BMPR1B: variants seen among roughly 807,000 people sequenced by gnomAD.
BMPR1B encodes the protein bone morphogenetic protein receptor type 1B, also known as bone morphogenetic protein receptor type-1B.
Under a neutral mutation model 59.1 loss-of-function variants are expected in BMPR1B, and 12 were observed. The ratio of observed to expected loss-of-function variants is 0.20; its 90% CI spans 0.13 to 0.33. The LOEUF (loss-of-function observed/expected upper bound fraction) is 0.33, where lower values mean the gene tolerates loss of function less well. Ranked by LOEUF, BMPR1B falls within the 10% of genes least tolerant of loss-of-function variation. BMPR1B has a pLI of 1.00. For missense variants in BMPR1B, 550 were observed against 610.9 expected (o/e 0.90, Z 1.05); for synonymous variants, 237 against 207.3 (o/e 1.14, Z -1.23).
intron 3 of BMPR1B, among the ~76,000 whole-genome samples, chr4:95,093,836 T>C (rs1263287218): frequency 2.0e-5 from 3 of 152,078 alleles, no homozygotes; most frequent in South Asian, 2.1e-4. Context: ...CCAGCAGTTA[T>C]ATTTAAAATT....
chr4:94,758,924 GTC>G (rs35388032), intron 1 of BMPR1B, among the ~76,000 whole-genome samples: 103,756 of 150,730 alleles, frequency 0.69, 35,819 homozygotes, highest in African/African-American at 0.73. Flanking sequence ...CAATCTTTTG[GTC>G]TCTCTCTCTC....
At position 94,951,239 on chromosome 4, in the gene BMPR1B, C is replaced by G. The variant is rs547607682; in HGVS notation, c.-112-44801C>G. Among the ~76,000 whole-genome samples, 6 of 152,340 alleles carry G rather than the reference C, an allele frequency of 3.9e-5. No individual in the cohort carries two copies. The South Asian group carries it at 1.2e-3, about 32-fold the overall frequency. On this transcript the variant is annotated intron_variant, in intron 2 of 12. Coordinates refer to ENST00000515059, the MANE Select transcript of BMPR1B (RefSeq NM_001203.3). ...GCAAACAGAGATAAATTGCCTTCCT[C>G]TCTTCCTATTTGAATACCCTTTATT...
chr4:94,870,700 G>C (rs1726453289), intron 1 of BMPR1B, among the ~76,000 whole-genome samples: 1 of 152,072 alleles, frequency 6.6e-6, no homozygotes. Flanking sequence ...CTGTGGGTTT[G>C]GTAGTCTTCA....
At chr4:94,789,100 C>T (rs1363254286) in intron 1 of BMPR1B, among the ~76,000 whole-genome samples, 2 of 152,154 alleles carry the variant, frequency 1.3e-5, no homozygotes, top group Non-Finnish European at 2.9e-5. Context: ...GCAGGAAGCA[C>T]AACCTGGAAG....
rs118182829 is a variant in BMPR1B, at chr4:94,847,867, A to G, written c.-182-27964A>G. On this transcript the variant is annotated intron_variant, in intron 1 of 12. Transcript: ENST00000515059. ...AAAATATACAGAATGAATAAGATCT[A>G]TTTGATAGCAGCCAACAGTAATTTA... Among the ~76,000 whole-genome samples, 64 of 152,306 alleles carry G rather than the reference A, an allele frequency of 4.2e-4. No homozygotes were observed. In the East Asian group the frequency reaches 9.8e-3, roughly 23 times the overall value.
chr4:94,861,025 C>T (rs1725958143), intron 1 of BMPR1B, among the ~76,000 whole-genome samples: 1 of 149,620 alleles, frequency 6.7e-6, no homozygotes, highest in South Asian at 2.1e-4. Context: ...GATCCCATCC[C>T]ATTCCATTTT....
chr4:94,853,663 G>A (rs557445404), intron 1 of BMPR1B, among the ~76,000 whole-genome samples: 2 of 152,074 alleles, frequency 1.3e-5, no homozygotes, highest in East Asian at 1.9e-4. Context: ...AGGGGGAGGG[G>A]AGGAAGAGGA....
At chr4:95,061,855 GGGGA>G (rs1727422090) in intron 3 of BMPR1B, among the ~76,000 whole-genome samples, 1 of 152,112 alleles carries the variant, frequency 6.6e-6, no homozygotes, top group Admixed American at 6.5e-5. Context: ...CCCAATGTTG[GGGGA>G]GGGACCTGGT....
At chr4:94,788,013 T>C (rs1238725384) in intron 1 of BMPR1B, among the ~76,000 whole-genome samples, 2 of 152,160 alleles carry the variant, frequency 1.3e-5, no homozygotes, top group Admixed American at 1.3e-4. Context: ...TATATGGGGC[T>C]GAGTTGGTAA....
At chr4:94,999,015 A>G (rs1722263762) in intron 3 of BMPR1B, among the ~76,000 whole-genome samples, 2 of 152,040 alleles carry the variant, frequency 1.3e-5, no homozygotes, top group African/African-American at 4.8e-5. Flanking sequence ...CCTTTTCCCA[A>G]TCTTTGCCTT....
At chr4:94,882,514 C>T (rs999580258) in intron 2 of BMPR1B, among the ~76,000 whole-genome samples, 21 of 152,162 alleles carry the variant, frequency 1.4e-4, no homozygotes, top group African/African-American at 4.3e-4. Flanking sequence ...AAGCACTCAG[C>T]ATATGTTGTT....
At chr4:94,803,832 A>G (rs1364811296) in intron 1 of BMPR1B, among the ~76,000 whole-genome samples, 1 of 151,848 alleles carries the variant, frequency 6.6e-6, no homozygotes, top group African/African-American at 2.4e-5. Flanking sequence ...ATTTGGGGAA[A>G]GGTCGTGTGC....
At chr4:95,152,844 A>G in intron 12 of BMPR1B, 71 bp downstream of exon 12, 2 of 1,557,648 alleles carry the variant, frequency 1.3e-6, no homozygotes, top group Non-Finnish European at 1.7e-6. Context: ...CTAAAATTCC[A>G]CATATTGATT....
At chr4:95,121,567 T>C (rs1324775299) in intron 6 of BMPR1B, among the ~76,000 whole-genome samples, 1 of 152,066 alleles carries the variant, frequency 6.6e-6, no homozygotes, top group African/African-American at 2.4e-5. Context: ...AATAAAAAAT[T>C]TGAATGCAAA....
chr4:95,095,899 C>T (rs1730336481), intron 3 of BMPR1B, among the ~76,000 whole-genome samples: 1 of 151,594 alleles, frequency 6.6e-6, no homozygotes, highest in African/African-American at 2.4e-5. Flanking sequence ...TTTTTGAACT[C>T]ATAAGAATAT....
At chr4:95,010,838 C>A (rs373786094) in intron 3 of BMPR1B, among the ~76,000 whole-genome samples, 3 of 152,112 alleles carry the variant, frequency 2.0e-5, no homozygotes, top group African/African-American at 7.2e-5. Context: ...ATTCTCTCTC[C>A]TACTAGAAAG....
chr4:94,972,198 T>C (rs1265503746), intron 2 of BMPR1B, among the ~76,000 whole-genome samples: 1 of 151,800 alleles, frequency 6.6e-6, no homozygotes, highest in African/African-American at 2.4e-5. Flanking sequence ...CTTCTCTTCT[T>C]TACAGAGTAT....
At chr4:94,980,080 G>A (rs377564886) in intron 2 of BMPR1B, among the ~76,000 whole-genome samples, 32 of 152,194 alleles carry the variant, frequency 2.1e-4, no homozygotes, top group African/African-American at 7.5e-4. Context: ...TCTCTTAAAA[G>A]GATTAAAGGT....
chr4:94,885,059 C>T lies in BMPR1B; in HGVS notation c.-113+9159C>T, dbSNP rs150206274. On this transcript the variant is annotated intron_variant, in intron 2 of 12. Coordinates refer to ENST00000515059, the MANE Select transcript of BMPR1B (RefSeq NM_001203.3). ...TTGAGTCTGGCCCTCTCAGACCAGC[C>T]GTCAGCCAGCTGACCAAAAATGTGT... 6.2e-4 allele frequency among the ~76,000 whole-genome samples: 94 copies of T among 152,250 alleles called. No homozygotes were observed. In the East Asian group the frequency reaches 0.013, roughly 21 times the overall value.
Sources: allele counts gnomAD v4.1 joint callset (sites outside exome capture counted in the v4.1 genomes callset), GRCh38; gene constraint gnomAD v4.1.1; transcripts MANE v1.5; gene names NCBI Gene and HGNC (gene_info 2026-07-23, HGNC 2026-07-21).